Variants in SGCB observed in about 807,000 individuals in gnomAD.
SGCB encodes the protein sarcoglycan beta.
In SGCB, 25 loss-of-function variants were observed where a neutral mutation model predicts 27.3. The ratio of observed to expected loss-of-function variants is 0.92; its 90% confidence interval spans 0.67 to 1.28. The LOEUF is 1.28. Among genes scored for constraint, SGCB ranks in the 50% most tolerant of loss-of-function variants. The probability of loss-of-function intolerance (pLI) is 0.00; values close to 1 mark genes in which losing one functional copy is unlikely to be tolerated. For missense variants in SGCB, 436 were observed against 402.1 expected, an observed-to-expected ratio of 1.08 and a Z score of -0.72; for synonymous variants, 147 against 133.5, an observed-to-expected ratio of 1.10 and a Z score of -0.70.
intron 5 of SGCB, 48 bp from the exon 6 acceptor site, chr4:52,024,208 C>T: frequency 6.9e-7 from 1 of 1,443,298 alleles, no homozygotes; most frequent in Non-Finnish European, 9.7e-7. Context: ...TGAGGGGGTA[C>T]AGAACAAAGT....
At chr4:52,033,677 C>T in intron 1 of SGCB, 37 bp from the exon 2 acceptor site, 1 of 1,510,256 alleles carries the variant, frequency 6.6e-7, no homozygotes, top group Non-Finnish European at 9.2e-7. Context: ...ACAGCTATAC[C>T]CTCTCGTTTT....
chr4:52,028,602 C>T, intron 4 of SGCB, 128 bp downstream of exon 4: 1 of 718,994 alleles, frequency 1.4e-6, no homozygotes, highest in Non-Finnish European at 2.4e-6. Context: ...CGCCACTGCA[C>T]TCCAGCCTGG....
intron 4 of SGCB, 130 bp from the exon 5 acceptor site, chr4:52,028,229 T>C (rs1001412178): frequency 2.8e-6 from 2 of 713,430 alleles, no homozygotes; most frequent in South Asian, 3.5e-5. Flanking sequence ...GTTTTAGAGA[T>C]GTGGAAATTG....
chr4:52,027,219 C>T (rs1174510702), intron 5 of SGCB, among the ~76,000 whole-genome samples: 2 of 151,966 alleles, frequency 1.3e-5, no homozygotes, highest in Non-Finnish European at 2.9e-5. Flanking sequence ...TAGCATATTG[C>T]AGGTACCCAA....
intron 3 of SGCB, 126 bp downstream of exon 3, chr4:52,029,547 ATATAT>A (rs769366926): frequency 6.7e-6 from 4 of 594,862 alleles, no homozygotes; most frequent in Admixed American, 2.7e-5. Flanking sequence ...ACATTTATAG[ATATAT>A]TATAAATATA....
rs548617877 is a variant in SGCB at position 52,030,739 on chromosome 4, T to A, written c.244-876A>T. Among the ~76,000 whole-genome samples, 50 of 152,366 alleles carry A rather than the reference T, an allele frequency of 3.3e-4. No individual in the cohort carries two copies. In the South Asian group the frequency reaches 9.3e-3, roughly 28 times the overall value. ...ACTTTCCCTTACGTTCATGCTGAACTTCCTTTTGTCTTTCTCTTCTGATAG... is the reference window on the plus strand; with the variant it reads ...ACTTTCCCTTACGTTCATGCTGAACATCCTTTTGTCTTTCTCTTCTGATAG... On this transcript the variant is annotated intron_variant, in intron 2 of 5. Coordinates refer to ENST00000381431, the MANE Select transcript of SGCB (RefSeq NM_000232.5).
chr4:52,034,260 A>G (rs56093720), intron 1 of SGCB, among the ~76,000 whole-genome samples: 354 of 34,942 alleles, frequency 0.01, 80 homozygotes, highest in Non-Finnish European at 0.03. Flanking sequence ...TGAACCCGGG[A>G]GGCGGAGCTT....
chr4:52,037,401 T>C (rs1385531781), intron 1 of SGCB, among the ~76,000 whole-genome samples: 2 of 152,148 alleles, frequency 1.3e-5, no homozygotes, highest in African/African-American at 2.4e-5. Context: ...ACTTGACTCA[T>C]TTTTTTCAAC....
At chr4:52,025,310 C>T (rs1242465182) in intron 5 of SGCB, among the ~76,000 whole-genome samples, 1 of 152,060 alleles carries the variant, frequency 6.6e-6, no homozygotes, top group Admixed American at 6.6e-5. Flanking sequence ...CAGATGGGGA[C>T]TGAGTTTTAC....
intron 5 of SGCB, among the ~76,000 whole-genome samples, chr4:52,025,724 G>A (rs1181904755): frequency 2.6e-5 from 4 of 152,234 alleles, no homozygotes; most frequent in African/African-American, 9.6e-5. Flanking sequence ...ATACTTGGAA[G>A]TAAGAAGATC....
intron 5 of SGCB, among the ~76,000 whole-genome samples, chr4:52,027,613 A>G (rs1737132544): frequency 6.7e-6 from 1 of 149,890 alleles, no homozygotes; most frequent in African/African-American, 2.4e-5. Flanking sequence ...CTTCTAAAAC[A>G]ATACAAGTGA....
intron 5 of SGCB, among the ~76,000 whole-genome samples, chr4:52,024,756 A>C (rs1336305911): frequency 7.9e-6 from 1 of 127,344 alleles, no homozygotes; most frequent in Non-Finnish European, 1.6e-5. Flanking sequence ...TGAACCCGGG[A>C]GGCGGAGCTT....
At chr4:52,034,984 C>T (rs996126840) in intron 1 of SGCB, among the ~76,000 whole-genome samples, 1 of 152,184 alleles carries the variant, frequency 6.6e-6, no homozygotes, top group African/African-American at 2.4e-5. Flanking sequence ...ATATAACCCA[C>T]ATAAACCAAA....
intron 1 of SGCB, among the ~76,000 whole-genome samples, chr4:52,034,676 G>A (rs181370645): frequency 3.9e-5 from 6 of 152,098 alleles, no homozygotes; most frequent in African/African-American, 1.4e-4. Context: ...AATAAGACCG[G>A]AAAGGCTGAC....
chr4:52,033,945 T>C (rs1171727541), intron 1 of SGCB, among the ~76,000 whole-genome samples: 1 of 152,132 alleles, frequency 6.6e-6, no homozygotes, highest in African/African-American at 2.4e-5. Context: ...AGTGAGTAAC[T>C]GCTTTTATTA....
intron 3 of SGCB, 83 bp downstream of exon 3, chr4:52,029,595 A>C: frequency 1.2e-6 from 1 of 841,254 alleles, no homozygotes; most frequent in Non-Finnish European, 2.1e-6. Context: ...TCTCTTTCCA[A>C]TAATCAACTA....
At chr4:52,032,316 C>A (rs909084278) in intron 2 of SGCB, among the ~76,000 whole-genome samples, 1 of 152,204 alleles carries the variant, frequency 6.6e-6, no homozygotes, top group South Asian at 2.1e-4. Context: ...AACATCCCCT[C>A]CCCAACAAGC....
At chr4:52,034,090 G>T (rs1449330720) in intron 1 of SGCB, among the ~76,000 whole-genome samples, 1 of 151,762 alleles carries the variant, frequency 6.6e-6, no homozygotes, top group Non-Finnish European at 1.5e-5. Context: ...CCAGCACTTT[G>T]GGAGGCTGAG....
chr4:52,028,682 T>C (rs1181600114), intron 4 of SGCB, 48 bp downstream of exon 4: 2 of 1,315,416 alleles, frequency 1.5e-6, no homozygotes, highest in African/African-American at 1.4e-5. Context: ...TTTATAACTC[T>C]AGAGAATAAT....
Sources: allele counts gnomAD v4.1 joint callset (sites outside exome capture counted in the v4.1 genomes callset), GRCh38; gene constraint gnomAD v4.1.1; transcripts MANE v1.5; gene names NCBI Gene and HGNC (gene_info 2026-07-23, HGNC 2026-07-21).